The following TSC2 variants were observed in gnomAD, a reference collection of about 807,000 sequenced individuals.
TSC2 encodes tuberin.
A neutral mutation model predicts 202.2 loss-of-function variants in TSC2; 29 were observed. The ratio of observed to expected loss-of-function variants is 0.14; its 90% CI spans 0.11 to 0.20. The LOEUF (loss-of-function observed/expected upper bound fraction) is 0.20. Among genes scored for constraint, TSC2 ranks in the 10% least tolerant of loss-of-function variants. The probability of loss-of-function intolerance (pLI) is 1.00; values close to 1 mark genes in which losing one functional copy is unlikely to be tolerated. For missense variants in TSC2, 2,429 were observed against 2,420.0 expected, an observed-to-expected ratio of 1.00 and a Z score of -0.08; for synonymous variants, 1,349 against 1,044.0, an observed-to-expected ratio of 1.29 and a Z score of -5.63.
At chr16:2,082,740 G>T (rs912840100) in intron 32 of TSC2, 4 of 606,142 alleles carry the variant, frequency 6.6e-6, no homozygotes, top group Non-Finnish European at 1.2e-5. Flanking sequence ...GAGCACTCCC[G>T]GCCCAGCTTC....
At chr16:2,088,023 T>A (rs946891724) in intron 39 of TSC2, 25 bp from the exon 40 acceptor site, 1 of 1,611,492 alleles carries the variant, frequency 6.2e-7, no homozygotes, top group East Asian at 2.2e-5. Flanking sequence ...GCCCTGGGCC[T>A]GGCGTGACCA....
intron 11 of TSC2, 142 bp from the exon 12 acceptor site, chr16:2,061,729 G>A: frequency 7.1e-7 from 1 of 1,414,646 alleles, no homozygotes; most frequent in Non-Finnish European, 9.8e-7. Flanking sequence ...TCAGAGGGCT[G>A]GGGGCGTCTG....
At position 2,083,722 on chromosome 16, in the gene TSC2, G is replaced by T. The variant is rs751564566; in HGVS notation, c.3911G>T (p.Ser1304Ile). 4 of 1,596,236 alleles carry T rather than the reference G, an allele frequency of 2.5e-6. No individual in the cohort carries two copies. The highest frequency in any genetic ancestry group is 2.3e-5 in the South Asian group (2 of 87,958). Residue 1304 changes from serine to isoleucine, a missense_variant, in exon 33 of 42, where the codon AGT becomes ATT. Ser to Ile is a moderately radical substitution (Grantham distance 142). Coordinates refer to ENST00000219476, the MANE Select transcript of TSC2 (RefSeq NM_000548.5). ...ADSAVVMEEGSPGEVPVLVEP... is the reference protein window; with the variant it reads ...ADSAVVMEEGIPGEVPVLVEP... The stretch of plus-strand genomic sequence containing the variant: ...TCCGCCGTGGTCATGGAGGAGGGAA[G>T]TCCGGGCGAGGTTCCTGTGCTGGTG...
At position 2,084,543 on chromosome 16, in the gene TSC2, C is replaced by A. The variant is rs201710642; in HGVS notation, c.4321C>A (p.Pro1441Thr). 6.2e-7 allele frequency: 1 copy of A among 1,608,952 alleles called. No homozygotes were observed. The highest frequency in any genetic ancestry group is 8.5e-7 in the Non-Finnish European group (1 of 1,179,314). The change falls in exon 34 of 42, where the codon CCC (proline) becomes ACC (threonine). Residue 1441 changes from proline to threonine, a missense_variant. Pro to Thr is a conservative substitution (Grantham distance 38). Coordinates refer to ENST00000219476, the MANE Select transcript of TSC2 (RefSeq NM_000548.5). Reference sequence around the variant, plus strand: ...CTCGGGCGAAGACAGTCGGGGCCAGCCCGAGGGTCCCTTGCCTTCCAGCTC... The same window carrying A: ...CTCGGGCGAAGACAGTCGGGGCCAGACCGAGGGTCCCTTGCCTTCCAGCTC... ...SASGEDSRGQ[P>T]EGPLPSSSPR...
intron 10 of TSC2, among the ~76,000 whole-genome samples, 174 bp downstream of exon 10, chr16:2,059,047 CTTT>C (rs10592762): frequency 1.4e-5 from 2 of 142,634 alleles, no homozygotes; most frequent in African/African-American, 2.6e-5. Flanking sequence ...AGGCTTTAGT[CTTT>C]TTTTTTTTTT....
At position 2,086,827 on chromosome 16, in the gene TSC2, G is replaced by T; in HGVS notation, c.4945G>T (p.Val1649Phe). 6.2e-7 allele frequency: 1 copy of T among 1,608,610 alleles called. No individual in the cohort carries two copies. Among genetic ancestry groups the T allele is most frequent in the South Asian group, 1.1e-5 (1 of 90,516 alleles). The change falls in exon 38 of 42, where the codon GTC becomes TTC. Residue 1649 changes from valine to phenylalanine, a missense_variant. Physicochemically the swap from Val to Phe is conservative, Grantham distance 50 (BLOSUM62 -1). Transcript: ENST00000219476. ...CCTGGGCAACGACTTTGTGTCCATT[G>T]TCTACAATGACTCCGGTGAGGACTT... ...RHLGNDFVSI[V>F]YNDSGEDFKL...
chr16:2,070,966 C>T (rs971507668), intron 17 of TSC2, among the ~76,000 whole-genome samples: 1 of 150,240 alleles, frequency 6.7e-6, no homozygotes, highest in Non-Finnish European at 1.5e-5. Context: ...CAGGGCAGGG[C>T]TGGAGAGGGC....
Position 2,047,991 on chromosome 16 carries a change from G to C in TSC2, c.-104G>C. On this transcript the variant is annotated 5_prime_UTR_variant, in exon 1 of 42. Transcript: ENST00000219476. ...TACCGGAAGTGCGGGTCGCGCTTCC[G>C]GCGGCGTCCCGGGGCCAGGGGGGTG... 1 of 1,511,558 alleles carries C rather than the reference G, an allele frequency of 6.6e-7. No homozygotes were observed. The highest frequency in any genetic ancestry group is 8.8e-7 in the Non-Finnish European group (1 of 1,131,998). 93.6% of individuals were successfully genotyped at this position (1,511,558 alleles called of 1,614,324 possible). A position where few individuals can be genotyped will look rare whatever the true frequency, so the allele number is the denominator to read the frequency against.
chr16:2,062,868 CG>C (rs2086805992), intron 13 of TSC2, 103 bp from the exon 14 acceptor site: 1 of 1,317,238 alleles, frequency 7.6e-7, no homozygotes, highest in Non-Finnish European at 1.1e-6. Context: ...TGTGCCTGGC[CG>C]CGGGAGGACC....
At chr16:2,071,486 C>T in intron 17 of TSC2, 24 bp from the exon 18 acceptor site, 2 of 1,612,958 alleles carry the variant, frequency 1.2e-6, no homozygotes, top group Non-Finnish European at 1.7e-6. Context: ...TTGGCTCTGG[C>T]TTTCACCATC....
Position 2,087,901 on chromosome 16 carries a change from G to A in TSC2, c.5028G>A (p.Leu1676=), listed in dbSNP as rs45475501. Residue 1676 remains leucine, a synonymous_variant, in exon 39 of 42, where the codon CTG becomes CTA. Coordinates refer to ENST00000219476, the MANE Select transcript of TSC2 (RefSeq NM_000548.5). ...TTGTCCACGTGATCGTCACCCCGCT[G>A]GACTACGAGTGCAACCTGGTGTCCC... The part of the protein sequence containing the change: ...FNFVHVIVTP[L]DYECNLVSLQ... The A allele has an allele frequency of 4.0e-4, 640 of 1,611,748 alleles. 2 individuals are homozygous for A. The highest frequency in any genetic ancestry group is 3.2e-3 in the East Asian group (142 of 44,578).
chr16:2,050,421 C>T lies in TSC2; in HGVS notation c.160C>T (p.Leu54Phe), dbSNP rs1394176023. The T allele has an allele frequency of 6.2e-7, 1 of 1,613,838 alleles. No homozygotes were observed. Among genetic ancestry groups the T allele is most frequent in the Non-Finnish European group, 8.5e-7 (1 of 1,179,930 alleles). ...CCAGGAACTGAGCATGGAATGTGGC[C>T]TCAACAATCGCATCCGGATGATAGG... ...ILRELSMECG[L>F]NNRIRMIGQI... The change falls in exon 3 of 42, where the codon CTC (leucine) becomes TTC (phenylalanine). Residue 54 changes from leucine to phenylalanine, a missense_variant. Physicochemically the swap from Leu to Phe is conservative, Grantham distance 22. Transcript: ENST00000219476.
chr16:2,053,470 G>A lies in TSC2; in HGVS notation c.336+18G>A, dbSNP rs2085381541. The stretch of plus-strand genomic sequence containing the variant: ...AGGGGCAGGTAAGGCCCAGGGCGAC[G>A]CTGGGATGGGTGACGTCAGGCTGCC... On this transcript the variant is annotated intron_variant, in intron 4 of 41. Transcript: ENST00000219476. The A allele has an allele frequency of 4.5e-6, 7 of 1,550,880 alleles. No individual in the cohort carries two copies. Among genetic ancestry groups the A allele is most frequent in the Non-Finnish European group, 6.1e-6 (7 of 1,146,842 alleles).
In TSC2 at chr16:2,071,543, T is replaced by C. The variant is rs776226147; in HGVS notation, c.1873T>C (p.Ser625Pro). The change falls in exon 18 of 42, where the codon TCA becomes CCA. Residue 625 changes from serine (S) to proline (P), a missense_variant. Ser to Pro is a moderately conservative substitution (Grantham distance 74). Coordinates refer to ENST00000219476, the MANE Select transcript of TSC2 (RefSeq NM_000548.5). ...CTTCCTGTTGCTGCTGCGGGCCGAC[T>C]CACTGCACCGCCTGGGCCTGCCCAA... is the stretch of plus-strand genomic sequence containing the variant. ...FDFLLLLRAD[S>P]LHRLGLPNKD... The C allele has an allele frequency of 6.2e-7, 1 of 1,613,560 alleles. No homozygotes were observed.
At chr16:2,055,018 G>T in intron 5 of TSC2, 1 of 362,166 alleles carries the variant, frequency 2.8e-6, no homozygotes, top group Non-Finnish European at 5.3e-6. Flanking sequence ...AGGTGACGTG[G>T]CCGGCAGCCA....
At chr16:2,074,168 G>A (rs374858271) in intron 21 of TSC2, 32 bp from the exon 22 acceptor site, 382 of 1,609,484 alleles carry the variant, frequency 2.4e-4, no homozygotes, top group Middle Eastern at 8.9e-4. Context: ...TGCTGCAAGC[G>A]GGTGGGGCCT....
chr16:2,059,686 A>T (rs1024950795), intron 10 of TSC2, among the ~76,000 whole-genome samples: 2 of 151,908 alleles, frequency 1.3e-5, no homozygotes, highest in Non-Finnish European at 2.9e-5. Context: ...CACACAGCTA[A>T]TTTTTTATTT....
chr16:2,079,479 C>A lies in TSC2; in HGVS notation c.3284+51C>A, dbSNP rs2151442687. ...GCCTGCCAGCCTCGACACCGGCTGT[C>A]CCGAGCCCAGGCCCACGTGGCACCC... On this transcript the variant is annotated intron_variant, in intron 28 of 41. Transcript: ENST00000219476. The surrounding 1 kb of genome is among the most constrained non-coding windows in gnomAD (Gnocchi z 4.6). 1 of 1,611,010 alleles carries A rather than the reference C, an allele frequency of 6.2e-7. No homozygotes were observed. Among genetic ancestry groups the A allele is most frequent in the South Asian group, 1.1e-5 (1 of 90,874 alleles).
intron 30 of TSC2, chr16:2,080,678 G>C (rs1020961691): frequency 2.3e-5 from 9 of 389,362 alleles, no homozygotes; most frequent in East Asian, 5.4e-5. Context: ...TAGAGATGGG[G>C]TTTCACTGTG....
Sources: gnomAD v4.1 joint callset for allele counts (sites outside exome capture counted in the v4.1 genomes callset) on GRCh38, gnomAD v4.1.1 for gene constraint, Gnocchi (gnomAD v3.1) non-coding constraint, MANE v1.5 for transcripts, NCBI Gene and HGNC (gene_info 2026-07-23, HGNC 2026-07-21) for gene names.